MCF2L: variants seen among roughly 807,000 people sequenced by gnomAD.
MCF2L encodes MCF.2 cell line derived transforming sequence like.
In MCF2L, 97 loss-of-function variants were observed where a neutral mutation model predicts 153.4. That is an observed-to-expected ratio of 0.63 (90% CI 0.54 to 0.75). The LOEUF is 0.75. Among genes scored for constraint, MCF2L ranks in the 30% least tolerant of loss-of-function variants. MCF2L has a pLI of 0.00. For synonymous variants in MCF2L, 659 were observed against 632.2 expected (o/e 1.04, Z -0.64); for missense variants, 1,347 against 1,495.2 (o/e 0.90, Z 1.64).
intron 2 of MCF2L, among the ~76,000 whole-genome samples, chr13:112,942,557 C>G (rs1248210991): frequency 6.6e-6 from 1 of 152,222 alleles, no homozygotes; most frequent in Non-Finnish European, 1.5e-5. Flanking sequence ...TCTACACTCT[C>G]TCGTCTCCAC....
At position 113,070,041 on chromosome 13, in the gene MCF2L, A is replaced by C. The variant is rs1555382277; in HGVS notation, c.882-18A>C. 4 of 1,592,782 alleles carry C rather than the reference A, an allele frequency of 2.5e-6. No homozygotes were observed. The highest frequency in any genetic ancestry group is 3.4e-6 in the Non-Finnish European group (4 of 1,165,108). Reference sequence around the variant, plus strand: ...GCGCCGTGGGCCACACAGACGGTCAACTCCTCCTCTTTCCCAGGCTCCTGG... The same window carrying C: ...GCGCCGTGGGCCACACAGACGGTCACCTCCTCCTCTTTCCCAGGCTCCTGG... On this transcript the variant is annotated intron_variant, in intron 8 of 29. Coordinates refer to ENST00000535094, the MANE Select transcript of MCF2L (RefSeq NM_001112732.3). The surrounding 1 kb of genome is among the most constrained non-coding windows in gnomAD (Gnocchi z 5.6).
chr13:113,090,106 C>T (rs1190065183), intron 26 of MCF2L: 3 of 1,549,128 alleles, frequency 1.9e-6, no homozygotes, highest in South Asian at 2.4e-5. Context: ...AAGCTCTGCG[C>T]TTTCCAGAAA....
At chr13:113,087,099 G>A (rs1255112034) in intron 21 of MCF2L, 136 bp from the exon 22 acceptor site, 7 of 703,148 alleles carry the variant, frequency 1.0e-5, no homozygotes, top group Admixed American at 8.2e-5. Flanking sequence ...CCACGAGCTT[G>A]CCTTTCCTGG....
intron 1 of MCF2L, among the ~76,000 whole-genome samples, chr13:113,002,882 G>A (rs1437567904): frequency 6.6e-6 from 1 of 151,960 alleles, no homozygotes; most frequent in Admixed American, 6.6e-5. Flanking sequence ...TTAAAGTAAA[G>A]AACTGGCTGG....
At chr13:113,032,405 C>A (rs955857409) in intron 3 of MCF2L, among the ~76,000 whole-genome samples, 3 of 152,236 alleles carry the variant, frequency 2.0e-5, no homozygotes, top group Admixed American at 6.5e-5. Flanking sequence ...TTCCCTCCCC[C>A]ACAGCTAACT....
chr13:113,008,010 A>G (rs1198188481), intron 1 of MCF2L, among the ~76,000 whole-genome samples: 4 of 147,920 alleles, frequency 2.7e-5, no homozygotes, highest in African/African-American at 1.0e-4. Flanking sequence ...TCCACCTCCC[A>G]GGTTCAAAAG....
intron 1 of MCF2L, among the ~76,000 whole-genome samples, chr13:112,970,847 G>A (rs1042480668): frequency 2.0e-5 from 3 of 152,148 alleles, no homozygotes; most frequent in African/African-American, 7.2e-5. Flanking sequence ...ACTGAATGTC[G>A]TGCGAGCCGG....
intron 1 of MCF2L, among the ~76,000 whole-genome samples, chr13:112,990,076 ACC>A (rs1321333398): frequency 6.6e-6 from 1 of 151,980 alleles, no homozygotes; most frequent in Non-Finnish European, 1.5e-5. Context: ...CCTCCTGCTT[ACC>A]CCCTGTTCAC....
chr13:112,943,804 G>A lies in MCF2L; in HGVS notation c.169+41433G>A, dbSNP rs949762284. ...AGCCTCCACAGACTTCAGGCGGACC[G>A]GAAGGACCTGGCGGGAGGCGTAGTA... On this transcript the variant is annotated intron_variant, in intron 2 of 29. Coordinates refer to the MCF2L transcript ENST00000375608. The surrounding 1 kb of genome is among the most constrained non-coding windows in gnomAD (Gnocchi z 4.2). 2.1e-4 allele frequency among the ~76,000 whole-genome samples: 32 copies of A among 152,078 alleles called. No homozygotes were observed. The highest frequency in any genetic ancestry group is 7.0e-4 in the African/African-American group (29 of 41,444).
chr13:113,078,595 G>GAT, intron 14 of MCF2L, 71 bp from the exon 15 acceptor site: 1 of 1,469,032 alleles, frequency 6.8e-7, no homozygotes, highest in South Asian at 1.2e-5. Flanking sequence ...GAACTGGTGG[G>GAT]CTCTGGCCTT....
intron 1 of MCF2L, among the ~76,000 whole-genome samples, chr13:112,897,998 C>CGGCCCT (rs2081084051): frequency 1.3e-5 from 2 of 152,118 alleles, no homozygotes; most frequent in African/African-American, 4.8e-5. Flanking sequence ...GCCCCGGCCC[C>CGGCCCT]GGCCCTGGGT....
rs1566894796 is a variant in MCF2L, at chr13:113,096,776, T to A, written c.3295T>A (p.Ser1099Thr). The A allele has an allele frequency of 1.3e-6, 2 of 1,567,414 alleles. No homozygotes were observed. Among genetic ancestry groups the A allele is most frequent in the Non-Finnish European group, 8.6e-7 (1 of 1,165,844 alleles). Residue 1099 changes from serine (S) to threonine (T), a missense_variant and splice_region_variant, in exon 30 of 30, where the codon TCG (serine) becomes ACG (threonine). Ser to Thr is a moderately conservative substitution (Grantham distance 58, BLOSUM62 1). This residue lies in a region of MCF2L where 383 missense variants were observed against 335.4 expected (regional missense o/e 1.14). Coordinates refer to ENST00000535094, the MANE Select transcript of MCF2L (RefSeq NM_001112732.3). ...GSAQCLSSSESSPGSAVLSNS... is the reference protein window; with the variant it reads ...GSAQCLSSSETSPGSAVLSNS... The stretch of plus-strand genomic sequence containing the variant: ...GTCCCCGCCTGATCTCCCCGCAGAG[T>A]CGAGCCCGGGGTCGGCCGTGCTGAG...
At chr13:112,955,003 C>T (rs1263082280) in intron 2 of MCF2L, among the ~76,000 whole-genome samples, 1 of 152,164 alleles carries the variant, frequency 6.6e-6, no homozygotes, top group Non-Finnish European at 1.5e-5. Context: ...GATGCTGTGC[C>T]GTTGGTGACA....
intron 3 of MCF2L, among the ~76,000 whole-genome samples, chr13:113,029,926 G>A (rs971690319): frequency 2.0e-5 from 3 of 152,206 alleles, no homozygotes; most frequent in Admixed American, 6.5e-5. Flanking sequence ...CTGCTTTTAA[G>A]GGGTTTCAAC....
intron 4 of MCF2L, among the ~76,000 whole-genome samples, chr13:113,047,770 C>T (rs1271703838): frequency 3.3e-5 from 5 of 152,202 alleles, no homozygotes; most frequent in African/African-American, 4.8e-5. Flanking sequence ...ACATGTGCCC[C>T]GTCCCCTCTG....
At chr13:113,055,148 T>G (rs2087644390) in intron 4 of MCF2L, among the ~76,000 whole-genome samples, 1 of 152,192 alleles carries the variant, frequency 6.6e-6, no homozygotes, top group African/African-American at 2.4e-5. Context: ...AAGTATGTGT[T>G]TGTGTACATC....
rs1461092828 is a variant in MCF2L, at chr13:113,046,944, G to C, written c.369+1583G>C. 4.6e-6 allele frequency: 1 copy of C among 215,738 alleles called. No homozygotes were observed. Among genetic ancestry groups the C allele is most frequent in the Non-Finnish European group, 9.3e-6 (1 of 107,902 alleles). The allele number at this position is 215,738 out of a possible 1,614,324, so 13.4% of individuals were successfully genotyped here. A position where few individuals can be genotyped will look rare whatever the true frequency, so the allele number is the denominator to read the frequency against. On this transcript the variant is annotated intron_variant, in intron 4 of 29. Transcript: ENST00000535094. The surrounding 1 kb of genome is among the most constrained non-coding windows in gnomAD (Gnocchi z 4.4). ...AGCTGGGTAATTGATAAAGAAAGAG[G>C]CGTAATTGGCTCACAGTTCTGCAGG...
rs539364375 is a variant in MCF2L at position 113,046,912 on chromosome 13, G to C, written c.369+1551G>C. On this transcript the variant is annotated intron_variant, in intron 4 of 29. Transcript: ENST00000535094. The surrounding 1 kb of genome is among the most constrained non-coding windows in gnomAD (Gnocchi z 4.4). ...TTTGCTTTTGCGTCACTATAAAGAC[G>C]TACTTGAGCTGGGTAATTGATAAAG... 3.8e-5 allele frequency: 9 copies of C among 234,904 alleles called. No homozygotes were observed. Among genetic ancestry groups the C allele is most frequent in the Non-Finnish European group, 7.6e-5 (9 of 118,670 alleles). 14.6% of individuals were successfully genotyped at this position (234,904 alleles called of 1,614,324 possible).
chr13:112,969,176 G>A (rs927536095), upstream of MCF2L: 3 of 600,656 alleles, frequency 5.0e-6, no homozygotes, highest in African/African-American at 2.0e-5. This position sits in a 1 kb window ranked among gnomAD's most constrained non-coding sequence, Gnocchi z 4.8. Flanking sequence ...GCCGCCCCCC[G>A]CCCCCCGCGG....
Sources: gnomAD v4.1 joint callset for allele counts (sites outside exome capture counted in the v4.1 genomes callset) on GRCh38, gnomAD v4.1.1 for gene constraint, gnomAD v4.1.1 regional missense constraint, Gnocchi (gnomAD v3.1) non-coding constraint, MANE v1.5 for transcripts, NCBI Gene and HGNC (gene_info 2026-07-23, HGNC 2026-07-21) for gene names.